RABEP1: variants seen among roughly 807,000 people sequenced by gnomAD.
The protein encoded by RABEP1 is rabaptin, RAB GTPase binding effector protein 1.
In RABEP1, 51 loss-of-function variants were observed where a neutral mutation model predicts 123.4. That is an observed-to-expected ratio of 0.41 (90% CI 0.33 to 0.52). The LOEUF (loss-of-function observed/expected upper bound fraction) is 0.52, where lower values mean the gene tolerates loss of function less well. RABEP1 is among the 20% of genes least tolerant of loss of function. The pLI, the probability that RABEP1 is intolerant of heterozygous loss-of-function variation, is 0.16. For synonymous variants in RABEP1, 347 were observed against 355.2 expected (o/e 0.98, Z 0.26); for missense variants, 888 against 996.3 (o/e 0.89, Z 1.46).
intron 2 of RABEP1, among the ~76,000 whole-genome samples, chr17:5,325,634 A>G (rs1177705258): frequency 3.3e-5 from 5 of 152,074 alleles, no homozygotes; most frequent in East Asian, 1.9e-4. Context: ...TCTTGTTTAC[A>G]GTAATCTATT....
intron 14 of RABEP1, among the ~76,000 whole-genome samples, chr17:5,377,657 G>C (rs1289772435): frequency 3.3e-5 from 5 of 151,564 alleles, no homozygotes; most frequent in Non-Finnish European, 1.5e-5. Context: ...CTCCCGAGTA[G>C]CTGGGATTAC....
At chr17:5,351,644 G>T (rs963950159) in intron 7 of RABEP1, among the ~76,000 whole-genome samples, 23 of 151,948 alleles carry the variant, frequency 1.5e-4, no homozygotes, top group African/African-American at 4.1e-4. Flanking sequence ...ATAATAATAA[G>T]AAGAATAATT....
rs1014331608 is a variant in RABEP1 at position 5,384,727 on chromosome 17, T to C, written c.*1504T>C. The C allele has an allele frequency of 4.7e-6, 1 of 210,738 alleles. No individual in the cohort carries two copies. The highest frequency in any genetic ancestry group is 9.5e-6 in the Non-Finnish European group (1 of 105,146). 13.1% of individuals were successfully genotyped at this position (210,738 alleles called of 1,614,324 possible). On this transcript the variant is annotated 3_prime_UTR_variant, in exon 18 of 18. Transcript: ENST00000537505. ...TGAATTTAAAAATAAATACCAATTATGGAAATAGTACTAAAGGCTTGCCGC... is the reference window on the plus strand; with the variant it reads ...TGAATTTAAAAATAAATACCAATTACGGAAATAGTACTAAAGGCTTGCCGC...
At chr17:5,377,369 A>C in intron 14 of RABEP1, 64 bp downstream of exon 14, 3 of 1,323,612 alleles carry the variant, frequency 2.3e-6, no homozygotes, top group Non-Finnish European at 3.1e-6. Flanking sequence ...TAAAAGAAGC[A>C]ATACATGGCC....
At chr17:5,291,086 A>G (rs1191047134) in intron 1 of RABEP1, among the ~76,000 whole-genome samples, 9 of 152,126 alleles carry the variant, frequency 5.9e-5, no homozygotes, top group Admixed American at 5.9e-4. Flanking sequence ...TAAGGCTCCA[A>G]TTTTCTGATC....
intron 1 of RABEP1, among the ~76,000 whole-genome samples, chr17:5,293,499 C>T (rs550600296): frequency 2.2e-4 from 33 of 152,192 alleles, no homozygotes; most frequent in Admixed American, 7.2e-4. Flanking sequence ...GGTGTGATCA[C>T]GGCTCAATGT....
intron 2 of RABEP1, among the ~76,000 whole-genome samples, chr17:5,328,295 C>T (rs1399973850): frequency 6.6e-6 from 1 of 151,782 alleles, no homozygotes; most frequent in African/African-American, 2.4e-5. Context: ...TAATAGGTGC[C>T]CATTATAGGA....
intron 1 of RABEP1, among the ~76,000 whole-genome samples, chr17:5,300,409 C>T (rs1221770561): frequency 3.3e-5 from 5 of 152,058 alleles, no homozygotes; most frequent in Admixed American, 6.6e-5. Flanking sequence ...GGTAAAGTAT[C>T]GTTTTCTTTG....
intron 1 of RABEP1, among the ~76,000 whole-genome samples, chr17:5,306,135 G>A (rs1370276653): frequency 1.3e-5 from 2 of 152,040 alleles, no homozygotes; most frequent in African/African-American, 2.4e-5. Flanking sequence ...CCTAAGTTAC[G>A]GAACATCATA....
intron 4 of RABEP1, among the ~76,000 whole-genome samples, chr17:5,337,103 A>G (rs1264914262): frequency 2.0e-5 from 3 of 152,174 alleles, no homozygotes; most frequent in Admixed American, 6.5e-5. Flanking sequence ...CCAGTTTACT[A>G]GTTTATGTAA....
chr17:5,368,358 G>A lies in RABEP1; in HGVS notation c.1786-12G>A. The A allele has an allele frequency of 7.6e-6, 12 of 1,582,234 alleles. No individual in the cohort carries two copies. Among genetic ancestry groups the A allele is most frequent in the Non-Finnish European group, 1.0e-5 (12 of 1,155,748 alleles). On this transcript the variant is annotated splice_polypyrimidine_tract_variant and intron_variant, in intron 11 of 17. Transcript: ENST00000537505. ...TTCCTAACTATGTTTCTATACATGT[G>A]TTTTTTTAAAGATCTCTGCACTCGT... is the stretch of plus-strand genomic sequence containing the variant.
intron 4 of RABEP1, chr17:5,336,378 C>T (rs1401290578): frequency 2.3e-6 from 1 of 432,002 alleles, no homozygotes; most frequent in Non-Finnish European, 4.5e-6. Flanking sequence ...TAGCATGGTA[C>T]ATTTGTCACA....
At chr17:5,337,629 C>A (rs1907219055) in intron 4 of RABEP1, among the ~76,000 whole-genome samples, 1 of 152,032 alleles carries the variant, frequency 6.6e-6, no homozygotes, top group African/African-American at 2.4e-5. Flanking sequence ...GGAGGTGGAG[C>A]TTGCAGTGAG....
At chr17:5,374,096 A>T (rs1052561487) in intron 13 of RABEP1, among the ~76,000 whole-genome samples, 1 of 152,128 alleles carries the variant, frequency 6.6e-6, no homozygotes. Flanking sequence ...TGAGACAGAT[A>T]ATATCTGTCA....
At chr17:5,381,961 G>A (rs963047729) in intron 17 of RABEP1, among the ~76,000 whole-genome samples, 1 of 152,156 alleles carries the variant, frequency 6.6e-6, no homozygotes, top group African/African-American at 2.4e-5. Flanking sequence ...AGGTCCCTGA[G>A]CTGGGCTAAA....
At chr17:5,374,716 T>C (rs1005681954) in intron 13 of RABEP1, among the ~76,000 whole-genome samples, 1 of 152,226 alleles carries the variant, frequency 6.6e-6, no homozygotes, top group African/African-American at 2.4e-5. Flanking sequence ...CTAGGCTTAC[T>C]GCAACCTCTG....
chr17:5,317,059 C>G (rs2075305468), intron 2 of RABEP1, among the ~76,000 whole-genome samples: 1 of 152,044 alleles, frequency 6.6e-6, no homozygotes, highest in Admixed American at 6.6e-5. Context: ...CACCTGCTAC[C>G]ATGCCTGGCT....
chr17:5,365,625 AACC>A (rs1432241048), intron 11 of RABEP1, among the ~76,000 whole-genome samples: 3 of 152,122 alleles, frequency 2.0e-5, no homozygotes, highest in Non-Finnish European at 2.9e-5. Flanking sequence ...ACATCTGTGT[AACC>A]ACCATTGAGA....
At chr17:5,288,226 G>T (rs1269260901) in intron 1 of RABEP1, among the ~76,000 whole-genome samples, 1 of 151,988 alleles carries the variant, frequency 6.6e-6, no homozygotes, top group Non-Finnish European at 1.5e-5. Context: ...GGATGAGCAG[G>T]ACTCCTGGTT....
Sources: allele counts gnomAD v4.1 joint callset (sites outside exome capture counted in the v4.1 genomes callset), GRCh38; gene constraint gnomAD v4.1.1; transcripts MANE v1.5; gene names NCBI Gene and HGNC (gene_info 2026-07-23, HGNC 2026-07-21).